Variants in WDR72 observed in about 807,000 individuals in gnomAD.
WDR72 encodes WD repeat-containing protein 72.
Under a neutral mutation model 124.2 loss-of-function variants are expected in WDR72, and 120 were observed. The observed-to-expected ratio is 0.97, with a 90% CI of 0.83 to 1.12. The LOEUF (loss-of-function observed/expected upper bound fraction) is 1.12. WDR72 is among the 50% of genes most tolerant of loss of function. The pLI, the probability that WDR72 is intolerant of heterozygous loss-of-function variation, is 0.00. For missense variants in WDR72, 1,387 were observed against 1,278.8 expected, an observed-to-expected ratio of 1.08 and a Z score of -1.29; for synonymous variants, 452 against 441.7, an observed-to-expected ratio of 1.02 and a Z score of -0.29.
intron 14 of WDR72, among the ~76,000 whole-genome samples, chr15:53,643,393 G>C (rs1392851910): frequency 6.6e-6 from 1 of 152,066 alleles, no homozygotes; most frequent in Non-Finnish European, 1.5e-5. Flanking sequence ...ACAGTACACA[G>C]ACACGCTATG....
intron 13 of WDR72, among the ~76,000 whole-genome samples, chr15:53,686,653 G>A (rs2016638732): frequency 6.8e-6 from 1 of 147,808 alleles, no homozygotes; most frequent in Non-Finnish European, 1.5e-5. Context: ...ACAGATCAAC[G>A]AGACAGAAAG....
At chr15:53,693,829 C>CA (rs1035360415) in intron 13 of WDR72, among the ~76,000 whole-genome samples, 2 of 152,096 alleles carry the variant, frequency 1.3e-5, no homozygotes, top group Admixed American at 6.5e-5. Flanking sequence ...ATGCTCTGTA[C>CA]AAAAAATGTT....
At chr15:53,577,483 A>C (rs942396814) in intron 18 of WDR72, among the ~76,000 whole-genome samples, 2 of 152,106 alleles carry the variant, frequency 1.3e-5, no homozygotes, top group African/African-American at 4.8e-5. Flanking sequence ...TATAAAAAAA[A>C]CTGTCATGTT....
intron 17 of WDR72, among the ~76,000 whole-genome samples, chr15:53,599,256 A>ATCC (rs1447859447): frequency 2.0e-5 from 3 of 152,110 alleles, no homozygotes; most frequent in Non-Finnish European, 4.4e-5. Context: ...ATATTTTATT[A>ATCC]CTTATTCATG....
chr15:53,528,326 CT>C (rs1349631318), intron 18 of WDR72, among the ~76,000 whole-genome samples: 4 of 152,060 alleles, frequency 2.6e-5, no homozygotes, highest in Non-Finnish European at 5.9e-5. Flanking sequence ...TTGCATTAGA[CT>C]TTAGGCTTAC....
At chr15:53,543,139 C>T (rs372215203) in intron 18 of WDR72, among the ~76,000 whole-genome samples, 24,209 of 135,878 alleles carry the variant, frequency 0.18, 2,243 homozygotes, top group Middle Eastern at 0.23. Context: ...CTGCACCAAG[C>T]GGACCTAATA....
At chr15:53,575,006 A>AACACACACACAC (rs3081214) in intron 18 of WDR72, among the ~76,000 whole-genome samples, 44 of 147,292 alleles carry the variant, frequency 3.0e-4, no homozygotes, top group African/African-American at 1.1e-3. Flanking sequence ...AATCAAACAC[A>AACACACACACAC]ACACACACAC....
chr15:53,720,134 C>A, intron 3 of WDR72, among the ~76,000 whole-genome samples: 1 of 152,114 alleles, frequency 6.6e-6, no homozygotes, highest in East Asian at 1.9e-4. Flanking sequence ...TTGAATTAAA[C>A]ATTTTTTTAA....
intron 14 of WDR72, among the ~76,000 whole-genome samples, chr15:53,634,904 C>T (rs1392771662): frequency 6.6e-6 from 1 of 152,220 alleles, no homozygotes; most frequent in Non-Finnish European, 1.5e-5. Flanking sequence ...TAGTGCAAGA[C>T]AGTGCTATTT....
chr15:53,547,285 A>G (rs1418041408), intron 18 of WDR72, among the ~76,000 whole-genome samples: 1 of 152,216 alleles, frequency 6.6e-6, no homozygotes, highest in African/African-American at 2.4e-5. Flanking sequence ...GGCATGTGCC[A>G]CCACGCCTGG....
At chr15:53,632,734 G>C (rs1264421447) in intron 14 of WDR72, among the ~76,000 whole-genome samples, 2 of 152,262 alleles carry the variant, frequency 1.3e-5, no homozygotes, top group Non-Finnish European at 2.9e-5. Flanking sequence ...CTGGATGTGA[G>C]ACATGGAGTC....
rs151226132 is a variant in WDR72, at chr15:53,663,427, A to G, written c.1962+2145T>C. ...ATCAGCCTATAAGTAGGAAAACAAG[A>G]CTCTGGCATTTCATTGCTTCTTGAA... On this transcript the variant is annotated intron_variant, in intron 14 of 19. Transcript: ENST00000360509. Among the ~76,000 whole-genome samples the G allele has an allele frequency of 2.6e-5, 4 of 152,218 alleles. No homozygotes were observed. In the East Asian group the frequency reaches 5.8e-4, roughly 22 times the overall value.
chr15:53,598,908 A>G (rs1361713584), intron 17 of WDR72, among the ~76,000 whole-genome samples: 2 of 152,110 alleles, frequency 1.3e-5, no homozygotes, highest in African/African-American at 4.8e-5. Context: ...AGTGCCTATT[A>G]ATATCTACCA....
At chr15:53,595,021 T>C (rs936670467) in intron 18 of WDR72, among the ~76,000 whole-genome samples, 4 of 152,156 alleles carry the variant, frequency 2.6e-5, no homozygotes, top group African/African-American at 9.6e-5. Context: ...AATATTTTCC[T>C]GCAGGTAATA....
intron 18 of WDR72, among the ~76,000 whole-genome samples, chr15:53,593,889 T>G (rs891530395): frequency 1.2e-4 from 18 of 152,142 alleles, no homozygotes; most frequent in East Asian, 7.8e-4. Flanking sequence ...ATAACTAATT[T>G]CTCAGGACAA....
intron 17 of WDR72, among the ~76,000 whole-genome samples, chr15:53,607,789 G>C (rs112119458): frequency 0.021 from 3,143 of 152,088 alleles, 113 homozygotes; most frequent in African/African-American, 0.073. Flanking sequence ...AGAGTATACA[G>C]GGAGCTCAAA....
chr15:53,705,171 GTGA>G lies in WDR72; in HGVS notation c.1162_1164del (p.Ser388del). The G allele has an allele frequency of 6.2e-7, 1 of 1,613,980 alleles. No homozygotes were observed. Among genetic ancestry groups the G allele is most frequent in the Non-Finnish European group, 8.5e-7 (1 of 1,179,990 alleles). ...CCAGAGAAATAGTCAATAATACTTTGTGACATAGTATCATGCTTATCAAAATTA... is the reference window on the plus strand; with the variant it reads ...CCAGAGAAATAGTCAATAATACTTTGCATAGTATCATGCTTATCAAAATTA... On this transcript the variant is annotated inframe_deletion, in exon 11 of 20. Coordinates refer to ENST00000360509, the MANE Select transcript of WDR72 (RefSeq NM_182758.4).
intron 18 of WDR72, among the ~76,000 whole-genome samples, chr15:53,589,827 G>A (rs913711045): frequency 3.9e-5 from 6 of 151,950 alleles, no homozygotes; most frequent in African/African-American, 9.7e-5. Flanking sequence ...CTCAATCTCC[G>A]TGAAAGATAA....
rs1187916231 is a variant in WDR72 at position 53,716,595 on chromosome 15, G to A, written c.339+12C>T. On this transcript the variant is annotated intron_variant, in intron 4 of 19. Transcript: ENST00000360509. ...AATCTAGAAATGCCCTGAAGGAAGT[G>A]AGTGTACTTACACAGATTGCAGTGT... is the stretch of plus-strand genomic sequence containing the variant. 7 of 1,560,056 alleles carry A rather than the reference G, an allele frequency of 4.5e-6. No homozygotes were observed. Among genetic ancestry groups the A allele is most frequent in the Non-Finnish European group, 3.5e-6 (4 of 1,130,570 alleles).
Sources: gnomAD v4.1 joint callset for allele counts (sites outside exome capture counted in the v4.1 genomes callset) on GRCh38, gnomAD v4.1.1 for gene constraint, MANE v1.5 for transcripts, NCBI Gene and HGNC (gene_info 2026-07-23, HGNC 2026-07-21) for gene names.